Variants in PPP3CA observed in about 807,000 individuals in gnomAD.
The protein encoded by PPP3CA is protein phosphatase 3 catalytic subunit alpha, also known as CAM-PRP catalytic subunit.
PPP3CA carries 14 observed loss-of-function variants against 66.5 expected under a neutral mutation model. That is an observed-to-expected ratio of 0.21 (90% CI 0.14 to 0.33). The LOEUF is 0.33. Among genes scored for constraint, PPP3CA ranks in the 10% least tolerant of loss-of-function variants. The pLI is 1.00. For missense variants in PPP3CA, 317 were observed against 639.5 expected, an observed-to-expected ratio of 0.50 and a Z score of 5.44; for synonymous variants, 232 against 226.2, an observed-to-expected ratio of 1.03 and a Z score of -0.23.
chr4:101,337,818 A>G lies in PPP3CA; in HGVS notation c.58+8921T>C, dbSNP rs888704303. ...TGGGACTAAGAGCAAGTGCCTCACT[A>G]TACTGCCACTCTGTTGGTGTGGAGT... On this transcript the variant is annotated intron_variant, in intron 1 of 13. Transcript: ENST00000394854. 2.0e-5 allele frequency among the ~76,000 whole-genome samples: 3 copies of G among 152,244 alleles called. No homozygotes were observed. The South Asian group carries it at 6.2e-4, about 32-fold the overall frequency.
At chr4:101,054,697 C>A (rs556283502) in intron 10 of PPP3CA, among the ~76,000 whole-genome samples, 1 of 152,046 alleles carries the variant, frequency 6.6e-6, no homozygotes, top group South Asian at 2.1e-4. Context: ...GTATTAGATA[C>A]GAAGAATTAT....
At chr4:101,083,906 G>A (rs1578430280) in intron 6 of PPP3CA, among the ~76,000 whole-genome samples, 2 of 152,128 alleles carry the variant, frequency 1.3e-5, no homozygotes, top group African/African-American at 4.8e-5. Flanking sequence ...CTTTAAATAT[G>A]ATCAGCAGAA....
At chr4:101,038,892 A>T (rs775905123) in intron 11 of PPP3CA, among the ~76,000 whole-genome samples, 10 of 152,098 alleles carry the variant, frequency 6.6e-5, no homozygotes. Context: ...TTCTATTAAC[A>T]TGTGCAATTT....
chr4:101,064,372 G>C (rs547341450), intron 8 of PPP3CA, among the ~76,000 whole-genome samples: 1 of 151,960 alleles, frequency 6.6e-6, no homozygotes, highest in African/African-American at 2.4e-5. Context: ...GCTTCTGAAT[G>C]ACAGCCTTTT....
At chr4:101,177,021 G>C (rs1306403364) in intron 2 of PPP3CA, among the ~76,000 whole-genome samples, 1 of 152,056 alleles carries the variant, frequency 6.6e-6, no homozygotes, top group Non-Finnish European at 1.5e-5. Context: ...ATGTTTTTGT[G>C]AAACAGGCCT....
At chr4:101,027,262 GAAAA>G (rs79492334) in intron 13 of PPP3CA, among the ~76,000 whole-genome samples, 2 of 139,592 alleles carry the variant, frequency 1.4e-5, no homozygotes, top group African/African-American at 2.6e-5. Context: ...ATTTGGGGGG[GAAAA>G]AAAAAAAAAG....
At chr4:101,122,502 T>C (rs988148461) in intron 2 of PPP3CA, among the ~76,000 whole-genome samples, 2 of 152,144 alleles carry the variant, frequency 1.3e-5, no homozygotes. Context: ...ACTATAGGTA[T>C]AGACAGTAAT....
At chr4:101,081,776 C>T (rs1245515964) in intron 7 of PPP3CA, among the ~76,000 whole-genome samples, 1 of 152,062 alleles carries the variant, frequency 6.6e-6, no homozygotes, top group African/African-American at 2.4e-5. Flanking sequence ...AAAGAAAATG[C>T]CCCCTTAAAA....
In PPP3CA at chr4:101,346,877, A is replaced by ACGCCAC. The variant is rs1553944293; in HGVS notation, c.-82_-81insGTGGCG. The ACGCCAC allele has an allele frequency of 2.3e-6, 3 of 1,292,674 alleles. No homozygotes were observed. The African/African-American group carries it at 4.9e-5, about 21-fold the overall frequency. The allele number at this position is 1,292,674 out of a possible 1,614,324, so 80.1% of individuals were successfully genotyped here. A position where few individuals can be genotyped will look rare whatever the true frequency, so the allele number is the denominator to read the frequency against. On this transcript the variant is annotated 5_prime_UTR_variant, in exon 1 of 14. Transcript: ENST00000394854. ...ACCGGACCGGCGGGCCAGACACTCA[A>ACGCCAC]CGCCGCCGCCGCCGCCGCCGCCGCC... is the stretch of plus-strand genomic sequence containing the variant.
chr4:101,043,531 C>T (rs1300124061), intron 10 of PPP3CA, among the ~76,000 whole-genome samples: 2 of 149,942 alleles, frequency 1.3e-5, no homozygotes, highest in Non-Finnish European at 3.0e-5. Context: ...TAGTGAATCA[C>T]AACACACTCT....
rs1466021155 is a variant in PPP3CA, at chr4:101,106,430, AAAG to A, written c.384+2521_384+2523del. 7.8e-3 allele frequency among the ~76,000 whole-genome samples: 106 copies of A among 13,602 alleles called. 35 individuals are homozygous for A. The highest frequency in any genetic ancestry group is 0.025 in the African/African-American group (104 of 4,100). The allele number at this position is 13,602 out of a possible 152,430, so 8.9% of individuals were successfully genotyped here. On this transcript the variant is annotated intron_variant, in intron 3 of 13. Coordinates refer to ENST00000394854, the MANE Select transcript of PPP3CA (RefSeq NM_000944.5). Reference sequence around the variant, plus strand: ...GAAAGAAAGAAAGAAAGAAAGAAAGAAAGAAAGAAAGAAAGAAAGAAAGAGAAA... The same window carrying A: ...GAAAGAAAGAAAGAAAGAAAGAAAGAAAAGAAAGAAAGAAAGAAAGAGAAA...
chr4:101,183,561 A>G (rs1008182390), intron 2 of PPP3CA, among the ~76,000 whole-genome samples: 1 of 152,306 alleles, frequency 6.6e-6, no homozygotes, highest in Admixed American at 6.5e-5. Flanking sequence ...AATGAAAACT[A>G]TCAAAATCCT....
intron 2 of PPP3CA, among the ~76,000 whole-genome samples, chr4:101,133,294 A>G (rs1254069193): frequency 1.3e-5 from 2 of 152,222 alleles, no homozygotes; most frequent in Non-Finnish European, 2.9e-5. Context: ...AAATAGGAAG[A>G]GAAGAAGTCA....
intron 2 of PPP3CA, among the ~76,000 whole-genome samples, chr4:101,123,379 G>A (rs927203332): frequency 3.9e-5 from 6 of 152,112 alleles, no homozygotes; most frequent in African/African-American, 1.4e-4. Flanking sequence ...GTACTTAAGC[G>A]GAAACTTGAT....
intron 1 of PPP3CA, among the ~76,000 whole-genome samples, chr4:101,224,861 A>G (rs1725731741): frequency 6.6e-6 from 1 of 151,736 alleles, no homozygotes; most frequent in Non-Finnish European, 1.5e-5. Flanking sequence ...TCCTTCAGAG[A>G]AAAGCCAAAG....
At chr4:101,195,798 G>A in intron 2 of PPP3CA, 118 bp downstream of exon 2, 2 of 788,136 alleles carry the variant, frequency 2.5e-6, no homozygotes, top group South Asian at 1.8e-5. Flanking sequence ...AGATTCAACA[G>A]TAAAAGATTA....
intron 2 of PPP3CA, among the ~76,000 whole-genome samples, chr4:101,121,442 G>C (rs1022814828): frequency 2.0e-5 from 3 of 152,050 alleles, no homozygotes; most frequent in African/African-American, 7.2e-5. Flanking sequence ...TAAGACATAA[G>C]TGTCTTTAAA....
At position 101,025,855 on chromosome 4, in the gene PPP3CA, C is replaced by G; in HGVS notation, c.*10G>C. 3 of 586,266 alleles carry G rather than the reference C, an allele frequency of 5.1e-6. No homozygotes were observed. The highest frequency in any genetic ancestry group is 5.4e-5 in the South Asian group (2 of 37,048). The allele number at this position is 586,266 out of a possible 1,614,324, so 36.3% of individuals were successfully genotyped here. The stretch of plus-strand genomic sequence containing the variant: ...AAAAAAAAAAAAAAAAAAAAGTGAA[C>G]AGGAAGTGGTCACTGAATATTGCTG... On this transcript the variant is annotated 3_prime_UTR_variant, in exon 14 of 14. Coordinates refer to ENST00000394854, the MANE Select transcript of PPP3CA (RefSeq NM_000944.5).
At chr4:101,241,523 A>T (rs576157942) in intron 1 of PPP3CA, among the ~76,000 whole-genome samples, 1 of 152,244 alleles carries the variant, frequency 6.6e-6, no homozygotes, top group Non-Finnish European at 1.5e-5. Flanking sequence ...CAATCATTTT[A>T]TTTTATATTT....
Sources: allele counts gnomAD v4.1 joint callset (sites outside exome capture counted in the v4.1 genomes callset), GRCh38; gene constraint gnomAD v4.1.1; transcripts MANE v1.5; gene names NCBI Gene and HGNC (gene_info 2026-07-23, HGNC 2026-07-21).